The following TTC7A variants were observed in gnomAD, a reference collection of about 807,000 sequenced individuals.
TTC7A encodes the protein tetratricopeptide repeat domain 7A, also known as tetratricopeptide repeat protein 7A.
Under a neutral mutation model 103.7 loss-of-function variants are expected in TTC7A, and 110 were observed. That is an observed-to-expected ratio of 1.06 (90% CI 0.91 to 1.24). The LOEUF is 1.24. Ranked by LOEUF, TTC7A falls within the 50% of genes most tolerant of loss-of-function variation. TTC7A has a pLI of 0.00. For missense variants in TTC7A, 1,340 were observed against 1,116.3 expected, an observed-to-expected ratio of 1.20 and a Z score of -2.86; for synonymous variants, 521 against 467.9, an observed-to-expected ratio of 1.11 and a Z score of -1.47.
chr2:46,977,412 G>C (rs1377461566), intron 4 of TTC7A, among the ~76,000 whole-genome samples: 1 of 152,192 alleles, frequency 6.6e-6, no homozygotes, highest in Non-Finnish European at 1.5e-5. Flanking sequence ...CCTCAGATTA[G>C]ACAAAGGAAA....
intron 3 of TTC7A, among the ~76,000 whole-genome samples, chr2:46,961,675 C>T (rs952028755): frequency 2.0e-5 from 3 of 151,942 alleles, no homozygotes; most frequent in Admixed American, 1.3e-4. Flanking sequence ...GAAGCCGAGG[C>T]GGGTGGATGA....
At chr2:47,015,593 A>G (rs1302461089) in intron 11 of TTC7A, among the ~76,000 whole-genome samples, 1 of 152,188 alleles carries the variant, frequency 6.6e-6, no homozygotes, top group Admixed American at 6.5e-5. Context: ...TAGCCTGGAA[A>G]CAATCATGTC....
chr2:46,970,283 T>C (rs1673243524), intron 3 of TTC7A, among the ~76,000 whole-genome samples: 1 of 152,212 alleles, frequency 6.6e-6, no homozygotes, highest in Admixed American at 6.5e-5. Context: ...CCACTTCGCC[T>C]GGCCTGCTTT....
intron 10 of TTC7A, among the ~76,000 whole-genome samples, chr2:47,009,239 T>C (rs1425978601): frequency 1.3e-5 from 2 of 151,764 alleles, no homozygotes; most frequent in African/African-American, 4.8e-5. Flanking sequence ...CCCTGTGGAG[T>C]CTCCCAGCCT....
At chr2:46,935,230 G>A (rs1669918577) in intron 2 of TTC7A, among the ~76,000 whole-genome samples, 1 of 151,972 alleles carries the variant, frequency 6.6e-6, no homozygotes, top group African/African-American at 2.4e-5. Context: ...TGGAGGAACA[G>A]CTCATTACAA....
intron 15 of TTC7A, among the ~76,000 whole-genome samples, chr2:47,033,157 G>C (rs1680746566): frequency 6.6e-6 from 1 of 152,228 alleles, no homozygotes; most frequent in Admixed American, 6.5e-5. Flanking sequence ...TTCCTCAGCT[G>C]CTCTGCATTT....
At position 46,960,182 on chromosome 2, in the gene TTC7A, G is replaced by A. The variant is rs185040711; in HGVS notation, c.517+3175G>A. Reference sequence around the variant, plus strand: ...GGGCTGGGCCCTGCTGGAGGCTCTGGAAGAAGAATCACCTCTTCCCTGGTC... The same window carrying A: ...GGGCTGGGCCCTGCTGGAGGCTCTGAAAGAAGAATCACCTCTTCCCTGGTC... On this transcript the variant is annotated intron_variant, in intron 3 of 19. Coordinates refer to ENST00000319190, the MANE Select transcript of TTC7A (RefSeq NM_020458.4). 1.7e-3 allele frequency among the ~76,000 whole-genome samples: 264 copies of A among 152,256 alleles called. 1 individual carries two copies. Among genetic ancestry groups the A allele is most frequent in the African/African-American group, 5.8e-3 (241 of 41,554 alleles).
rs17036073 is a variant in TTC7A at position 47,012,996 on chromosome 2, T to G, written c.1392+1561T>G. Among the ~76,000 whole-genome samples the G allele has an allele frequency of 1.2e-4, 19 of 152,240 alleles. No individual in the cohort carries two copies. In the East Asian group the frequency reaches 3.5e-3, roughly 28 times the overall value. ...TGGAAGGAGCAGTGTAATGAGGTAG[T>G]TAAGAGTTTCACTGCCCACCCACTG... On this transcript the variant is annotated intron_variant, in intron 11 of 19. Transcript: ENST00000319190.
At chr2:47,061,035 T>C in intron 19 of TTC7A, 64 bp downstream of exon 19, 1 of 1,449,130 alleles carries the variant, frequency 6.9e-7, no homozygotes, top group Non-Finnish European at 9.3e-7. Flanking sequence ...TTATCCCGCT[T>C]TGTCCCTCCT....
chr2:47,069,211 G>T (rs1357745793), intron 19 of TTC7A, among the ~76,000 whole-genome samples: 7 of 152,138 alleles, frequency 4.6e-5, no homozygotes, highest in Non-Finnish European at 8.8e-5. Context: ...CTGGCCAGAG[G>T]AGACGGCTGG....
rs1167001838 is a variant in TTC7A, at chr2:46,957,093, C to T, written c.517+86C>T. 14 of 1,544,238 alleles carry T rather than the reference C, an allele frequency of 9.1e-6. No individual in the cohort carries two copies. In the South Asian group the frequency reaches 1.0e-4, roughly 11 times the overall value. ...CCCAGGGCCCTGCTGGGCTCGTGTC[C>T]AGATTCTTCACCCCTGGTAGTGCCC... On this transcript the variant is annotated intron_variant, in intron 3 of 19. Coordinates refer to ENST00000319190, the MANE Select transcript of TTC7A (RefSeq NM_020458.4).
intron 5 of TTC7A, among the ~76,000 whole-genome samples, chr2:46,985,692 C>T (rs1253905687): frequency 2.0e-5 from 3 of 152,226 alleles, no homozygotes; most frequent in Non-Finnish European, 2.9e-5. Context: ...GTCTGTCCAG[C>T]CCATGGCACC....
chr2:47,056,249 G>GCT (rs2104756141), intron 18 of TTC7A, among the ~76,000 whole-genome samples: 1 of 152,364 alleles, frequency 6.6e-6, no homozygotes, highest in East Asian at 1.9e-4. Context: ...GCATTTATAT[G>GCT]CTCTGAGTGT....
intron 15 of TTC7A, among the ~76,000 whole-genome samples, chr2:47,037,269 C>G (rs1453832662): frequency 6.6e-6 from 1 of 152,236 alleles, no homozygotes; most frequent in East Asian, 1.9e-4. Flanking sequence ...GGCCTCTCCT[C>G]TGCCTGCTTA....
chr2:46,955,271 A>G (rs1467747089), intron 2 of TTC7A, among the ~76,000 whole-genome samples: 1 of 152,220 alleles, frequency 6.6e-6, no homozygotes, highest in African/African-American at 2.4e-5. Context: ...CAGGGAACGC[A>G]GAGTCACTGC....
intron 8 of TTC7A, among the ~76,000 whole-genome samples, chr2:46,998,390 C>T (rs1676445627): frequency 6.6e-6 from 1 of 152,114 alleles, no homozygotes; most frequent in Non-Finnish European, 1.5e-5. Flanking sequence ...TTTAAATTCT[C>T]CTTCCCTCCA....
At chr2:46,949,554 C>T (rs962951284) in intron 1 of TTC7A, among the ~76,000 whole-genome samples, 2 of 152,184 alleles carry the variant, frequency 1.3e-5, no homozygotes, top group Middle Eastern at 3.2e-3. Flanking sequence ...ATAAAACCAC[C>T]TACCAGGTGG....
At chr2:46,982,335 C>G (rs1025944734) in intron 5 of TTC7A, among the ~76,000 whole-genome samples, 1 of 151,996 alleles carries the variant, frequency 6.6e-6, no homozygotes, top group Non-Finnish European at 1.5e-5. Context: ...GATTGTGCCA[C>G]TGCACTACAG....
intron 2 of TTC7A, among the ~76,000 whole-genome samples, chr2:46,922,116 G>A (rs1180293022): frequency 6.6e-6 from 1 of 152,056 alleles, no homozygotes; most frequent in African/African-American, 2.4e-5. Context: ...TGTGAAGCGT[G>A]CCCTTGAGCA....
Sources: gnomAD v4.1 joint callset for allele counts (sites outside exome capture counted in the v4.1 genomes callset) on GRCh38, gnomAD v4.1.1 for gene constraint, MANE v1.5 for transcripts, NCBI Gene and HGNC (gene_info 2026-07-23, HGNC 2026-07-21) for gene names.